Variants in DPP6 observed in about 807,000 individuals in gnomAD.
The protein encoded by DPP6 is A-type potassium channel modulatory protein DPP6.
DPP6 carries 69 observed loss-of-function variants against 122.6 expected under a neutral mutation model. The observed-to-expected ratio is 0.56, with a 90% CI of 0.46 to 0.69. DPP6 has a LOEUF of 0.69. Ranked by LOEUF, DPP6 falls within the 30% of genes least tolerant of loss-of-function variation. The pLI, the probability that DPP6 is intolerant of heterozygous loss-of-function variation, is 0.00. For missense variants in DPP6, 928 were observed against 1,116.9 expected, an observed-to-expected ratio of 0.83 and a Z score of 2.41; for synonymous variants, 418 against 433.1, an observed-to-expected ratio of 0.97 and a Z score of 0.43.
In DPP6 at chr7:154,720,428, T is replaced by C. The variant is rs77958671; in HGVS notation, c.763-7339T>C. Among the ~76,000 whole-genome samples the C allele has an allele frequency of 6.2e-3, 947 of 152,326 alleles. 13 individuals carry two copies. The highest frequency in any genetic ancestry group is 0.022 in the African/African-American group (900 of 41,566). ...ATCATTCTCCTGGGCCTTATGTACATCTCAGTATGTTTGGGAGACCTGAGC... is the reference window on the plus strand; with the variant it reads ...ATCATTCTCCTGGGCCTTATGTACACCTCAGTATGTTTGGGAGACCTGAGC... On this transcript the variant is annotated intron_variant, in intron 7 of 25. Coordinates refer to ENST00000377770, the MANE Select transcript of DPP6 (RefSeq NM_130797.4).
chr7:154,333,569 T>A (rs1471974574), intron 1 of DPP6, among the ~76,000 whole-genome samples: 1 of 152,192 alleles, frequency 6.6e-6, no homozygotes, highest in African/African-American at 2.4e-5. Context: ...GCCAAAAAAA[T>A]GAGGAAAGGT....
chr7:154,139,733 G>A (rs967303876), intron 1 of DPP6, among the ~76,000 whole-genome samples: 14 of 151,934 alleles, frequency 9.2e-5, no homozygotes, highest in African/African-American at 3.4e-4. Context: ...TACCCCATCA[G>A]TTGTACCATC....
At chr7:154,085,242 A>T (rs965347984) in intron 1 of DPP6, among the ~76,000 whole-genome samples, 3 of 152,168 alleles carry the variant, frequency 2.0e-5, no homozygotes, top group Non-Finnish European at 4.4e-5. Flanking sequence ...CTTTCATTTT[A>T]TCCAATTCTC....
Position 154,305,447 on chromosome 7 carries a change from G to A in DPP6, c.244-140767G>A. ...CTTGGACTCTGGTGGCTCCCAACTCGCCGTCAGACCCCACCTGCCCCGGTG... is the reference window on the plus strand; with the variant it reads ...CTTGGACTCTGGTGGCTCCCAACTCACCGTCAGACCCCACCTGCCCCGGTG... On this transcript the variant is annotated intron_variant, in intron 1 of 25. Coordinates refer to ENST00000377770, the MANE Select transcript of DPP6 (RefSeq NM_130797.4). The A allele has an allele frequency of 1.3e-6, 2 of 1,503,596 alleles. 1 individual carries two copies. Among genetic ancestry groups the A allele is most frequent in the Middle Eastern group, 3.5e-4 (2 of 5,670 alleles). 93.1% of individuals were successfully genotyped at this position (1,503,596 alleles called of 1,614,324 possible). A position where few individuals can be genotyped will look rare whatever the true frequency, so the allele number is the denominator to read the frequency against.
At chr7:154,405,455 T>A (rs997964284) in intron 1 of DPP6, among the ~76,000 whole-genome samples, 2 of 152,250 alleles carry the variant, frequency 1.3e-5, no homozygotes, top group African/African-American at 4.8e-5. Flanking sequence ...GTATTACATA[T>A]TCCTTTAGGA....
intron 1 of DPP6, among the ~76,000 whole-genome samples, chr7:154,130,603 G>A (rs1271425068): frequency 6.6e-6 from 1 of 152,104 alleles, no homozygotes; most frequent in Non-Finnish European, 1.5e-5. Context: ...ACTGATCTAG[G>A]GCTCAGGGGA....
intron 16 of DPP6, among the ~76,000 whole-genome samples, chr7:154,819,144 G>A (rs1312976469): frequency 6.6e-6 from 1 of 152,202 alleles, no homozygotes; most frequent in Non-Finnish European, 1.5e-5. Flanking sequence ...GCTGGGCATG[G>A]TGACTCACGC....
intron 3 of DPP6, among the ~76,000 whole-genome samples, chr7:154,511,375 A>C (rs918321036): frequency 1.3e-5 from 2 of 152,046 alleles, no homozygotes; most frequent in Non-Finnish European, 2.9e-5. Flanking sequence ...CAGTTTGAAA[A>C]ACCCTCTCTC....
At chr7:153,862,241 A>C in the DPP6 span, among the ~76,000 whole-genome samples, 3 of 152,198 alleles carry the variant, frequency 2.0e-5, no homozygotes, top group Non-Finnish European at 2.9e-5. Context: ...AAATACAAGA[A>C]AAGATAGCGA....
chr7:154,778,294 G>A (rs953034266), intron 10 of DPP6, among the ~76,000 whole-genome samples: 1 of 151,968 alleles, frequency 6.6e-6, no homozygotes, highest in Non-Finnish European at 1.5e-5. Flanking sequence ...ACCAACCCAC[G>A]GTTTCTAACT....
the DPP6 span, among the ~76,000 whole-genome samples, chr7:153,881,036 T>C: frequency 6.6e-6 from 1 of 152,232 alleles, no homozygotes; most frequent in Admixed American, 6.5e-5. Flanking sequence ...TTAAAGAAGA[T>C]ATTTATTTTA....
chr7:154,456,770 G>C lies in DPP6; in HGVS notation c.358+10442G>C, dbSNP rs955237271. Among the ~76,000 whole-genome samples the C allele has an allele frequency of 4.2e-4, 8 of 19,184 alleles. 4 individuals carry two copies. 12.6% of individuals were successfully genotyped at this position (19,184 alleles called of 152,430 possible). Reference sequence around the variant, plus strand: ...CTTGTGATTTTTGTACATTGATTTTGTATCCTGAGACTTTGCTGAAGTTGC... The same window carrying C: ...CTTGTGATTTTTGTACATTGATTTTCTATCCTGAGACTTTGCTGAAGTTGC... On this transcript the variant is annotated intron_variant, in intron 2 of 25. Coordinates refer to ENST00000377770, the MANE Select transcript of DPP6 (RefSeq NM_130797.4).
intron 6 of DPP6, among the ~76,000 whole-genome samples, chr7:154,668,212 TATATATAA>T (rs1477514257): frequency 9.5e-6 from 1 of 104,870 alleles, no homozygotes. Flanking sequence ...TATATATATA[TATATATAA>T]TATACACATT....
At chr7:153,967,540 G>A (rs1795814531) in intron 1 of DPP6, among the ~76,000 whole-genome samples, 1 of 152,178 alleles carries the variant, frequency 6.6e-6, no homozygotes, top group Non-Finnish European at 1.5e-5. Context: ...CATTGTTGCT[G>A]TGACTAGTCC....
the DPP6 span, among the ~76,000 whole-genome samples, chr7:153,786,579 A>C: frequency 3.3e-5 from 5 of 151,690 alleles, no homozygotes; most frequent in Admixed American, 2.6e-4. Context: ...TCTACTGAAA[A>C]TACAAAAAAA....
Position 154,039,226 on chromosome 7 carries a change from G to T in DPP6, c.51+151492G>T, listed in dbSNP as rs557310971. ...ATAAATTCAGAGTTCATCTGGAGGT[G>T]CCCGGTGGATCTCTTGATGTCCTAG... On this transcript the variant is annotated intron_variant, in intron 1 of 25. Coordinates refer to the DPP6 transcript ENST00000404039. Among the ~76,000 whole-genome samples the T allele has an allele frequency of 3.5e-5, 5 of 141,054 alleles. No homozygotes were observed. In the South Asian group the frequency reaches 1.1e-3, roughly 32 times the overall value. The allele number at this position is 141,054 out of a possible 152,430, so 92.5% of individuals were successfully genotyped here.
At chr7:154,738,033 C>T (rs113786446) in intron 8 of DPP6, among the ~76,000 whole-genome samples, 38 of 152,354 alleles carry the variant, frequency 2.5e-4, no homozygotes, top group African/African-American at 9.1e-4. Context: ...CCAACAGGTT[C>T]ATTGTATATT....
chr7:154,256,317 A>C (rs1281737551), intron 1 of DPP6, among the ~76,000 whole-genome samples: 1 of 152,222 alleles, frequency 6.6e-6, no homozygotes, highest in Non-Finnish European at 1.5e-5. Context: ...TAAGTACACC[A>C]TGCAGGGGCC....
At chr7:153,952,655 C>T (rs1802274815) in intron 1 of DPP6, among the ~76,000 whole-genome samples, 1 of 152,204 alleles carries the variant, frequency 6.6e-6, no homozygotes, top group East Asian at 1.9e-4. Context: ...GTCCTTCCAG[C>T]AGAGAAAGGA....
Sources: gnomAD v4.1 joint callset for allele counts (sites outside exome capture counted in the v4.1 genomes callset) on GRCh38, gnomAD v4.1.1 for gene constraint, MANE v1.5 for transcripts, NCBI Gene and HGNC (gene_info 2026-07-23, HGNC 2026-07-21) for gene names.